The following SIK3 variants were observed in gnomAD, a reference collection of about 807,000 sequenced individuals.
SIK3 encodes serine/threonine-protein kinase SIK3.
Under a neutral mutation model 144.2 loss-of-function variants are expected in SIK3, and 28 were observed. The ratio of observed to expected loss-of-function variants is 0.19; its 90% CI spans 0.14 to 0.27. The LOEUF (loss-of-function observed/expected upper bound fraction) is 0.27, where lower values mean the gene tolerates loss of function less well. Among genes scored for constraint, SIK3 ranks in the 10% least tolerant of loss-of-function variants. The probability of loss-of-function intolerance (pLI) is 1.00; values close to 1 mark genes in which losing one functional copy is unlikely to be tolerated. For synonymous variants in SIK3, 686 were observed against 676.3 expected (o/e 1.01, Z -0.22); for missense variants, 1,319 against 1,776.0 (o/e 0.74, Z 4.62).
chr11:117,076,675 G>C (rs746108150), intron 1 of SIK3, among the ~76,000 whole-genome samples: 1 of 151,914 alleles, frequency 6.6e-6, no homozygotes. Flanking sequence ...ACAGGCACCC[G>C]CTAATTACCA....
intron 1 of SIK3, among the ~76,000 whole-genome samples, chr11:117,070,752 CTTT>C (rs368884148): frequency 4.7e-5 from 6 of 128,136 alleles, no homozygotes; most frequent in East Asian, 2.2e-4. Flanking sequence ...GGCCCTTTTT[CTTT>C]TTTTTTTTTT....
At chr11:116,930,212 T>C (rs751138910) in intron 3 of SIK3, among the ~76,000 whole-genome samples, 5 of 152,244 alleles carry the variant, frequency 3.3e-5, no homozygotes, top group South Asian at 4.1e-4. Context: ...TCAATCGCAT[T>C]CAGACCTCAG....
chr11:116,950,438 T>C (rs1283958101), intron 3 of SIK3, among the ~76,000 whole-genome samples: 2 of 152,202 alleles, frequency 1.3e-5, no homozygotes, highest in Non-Finnish European at 2.9e-5. Context: ...TTATCTGACC[T>C]GAGAAATCAG....
chr11:116,991,369 C>G (rs1447941826), intron 1 of SIK3, among the ~76,000 whole-genome samples: 1 of 152,172 alleles, frequency 6.6e-6, no homozygotes, highest in African/African-American at 2.4e-5. Context: ...ATCACTTGAA[C>G]CCGGGAGGCG....
At chr11:117,017,728 G>A (rs1327333764) in intron 1 of SIK3, among the ~76,000 whole-genome samples, 1 of 151,960 alleles carries the variant, frequency 6.6e-6, no homozygotes, top group African/African-American at 2.4e-5. Context: ...AAATGAGAAA[G>A]GTCGTATGGA....
Position 116,902,203 on chromosome 11 carries a change from G to A in SIK3, c.617-4886C>T, listed in dbSNP as rs1945771681. 2.0e-5 allele frequency among the ~76,000 whole-genome samples: 3 copies of A among 152,180 alleles called. No individual in the cohort carries two copies. In the South Asian group the frequency reaches 6.2e-4, roughly 32 times the overall value. Reference sequence around the variant, plus strand: ...GTTTTTTGTTTGTGTTTTCAATGGAGCATGCAACAGGCTAAGCAATGAATT... The same window carrying A: ...GTTTTTTGTTTGTGTTTTCAATGGAACATGCAACAGGCTAAGCAATGAATT... On this transcript the variant is annotated intron_variant, in intron 4 of 24. Coordinates refer to ENST00000445177, the MANE Select transcript of SIK3 (RefSeq NM_001366686.3).
At chr11:116,875,775 A>C in intron 9 of SIK3, 91 bp downstream of exon 9, 1 of 1,430,386 alleles carries the variant, frequency 7.0e-7, no homozygotes, top group Non-Finnish European at 9.3e-7. Flanking sequence ...GAAGAGCAAG[A>C]AACTCTCGAC....
chr11:117,023,592 A>T lies in SIK3; in HGVS notation c.274-66528T>A, dbSNP rs1951864381. On this transcript the variant is annotated intron_variant, in intron 1 of 24. Transcript: ENST00000445177. ...AGCTAATATTCTTAAAAACAAACAA[A>T]CAAACAAACAAACAAACAAAAAAAA... 6.1e-5 allele frequency among the ~76,000 whole-genome samples: 3 copies of T among 49,380 alleles called. No homozygotes were observed. The South Asian group carries it at 1.4e-3, about 23-fold the overall frequency. The allele number at this position is 49,380 out of a possible 152,430, so 32.4% of individuals were successfully genotyped here. A position where few individuals can be genotyped will look rare whatever the true frequency, so the allele number is the denominator to read the frequency against.
At chr11:117,043,322 A>G (rs752462378) in intron 1 of SIK3, among the ~76,000 whole-genome samples, 1 of 152,204 alleles carries the variant, frequency 6.6e-6, no homozygotes, top group Non-Finnish European at 1.5e-5. Context: ...TCAACATTAA[A>G]ACATATATAT....
intron 1 of SIK3, among the ~76,000 whole-genome samples, chr11:117,003,707 A>G (rs1332898690): frequency 1.3e-5 from 2 of 152,198 alleles, no homozygotes; most frequent in Non-Finnish European, 2.9e-5. Flanking sequence ...CGTTGTTGTT[A>G]TGGTATTTCA....
chr11:117,059,590 A>T (rs1202567400), intron 1 of SIK3, among the ~76,000 whole-genome samples: 1 of 152,200 alleles, frequency 6.6e-6, no homozygotes, highest in African/African-American at 2.4e-5. Flanking sequence ...GCTAGAAGAA[A>T]ATCTTTGCAA....
At position 116,923,805 on chromosome 11, in the gene SIK3, T is replaced by C. The variant is rs141392805; in HGVS notation, c.616+3414A>G. 6.6e-5 allele frequency among the ~76,000 whole-genome samples: 10 copies of C among 152,342 alleles called. No individual in the cohort carries two copies. In the East Asian group the frequency reaches 1.7e-3, roughly 26 times the overall value. On this transcript the variant is annotated intron_variant, in intron 4 of 24. Coordinates refer to ENST00000445177, the MANE Select transcript of SIK3 (RefSeq NM_001366686.3). ...GCCAGCACCCCGGAGTCTGTAATTA[T>C]ATATCAGCAGGTAGACACTCTCATT...
At chr11:117,088,825 C>T (rs1413394243) in intron 1 of SIK3, among the ~76,000 whole-genome samples, 2 of 151,360 alleles carry the variant, frequency 1.3e-5, no homozygotes, top group Non-Finnish European at 2.9e-5. Context: ...CACAGGCATG[C>T]ACCACCACAC....
chr11:116,984,886 G>A (rs1950274437), intron 1 of SIK3, among the ~76,000 whole-genome samples: 1 of 152,176 alleles, frequency 6.6e-6, no homozygotes, highest in Non-Finnish European at 1.5e-5. Context: ...TTGGATCTCT[G>A]TGTATAGAGT....
intron 13 of SIK3, among the ~76,000 whole-genome samples, chr11:116,871,794 G>A (rs191451930): frequency 1.2e-4 from 19 of 152,276 alleles, no homozygotes; most frequent in East Asian, 5.8e-4. Context: ...TGTGTAACCC[G>A]GAGAATGACA....
chr11:117,057,845 G>T (rs1364997999), intron 1 of SIK3, among the ~76,000 whole-genome samples: 1 of 152,086 alleles, frequency 6.6e-6, no homozygotes, highest in Non-Finnish European at 1.5e-5. Flanking sequence ...CAACTCATAG[G>T]GTTGCTATGA....
intron 6 of SIK3, among the ~76,000 whole-genome samples, chr11:116,882,088 T>A (rs1250697180): frequency 1.3e-5 from 2 of 152,106 alleles, no homozygotes; most frequent in African/African-American, 2.4e-5. Flanking sequence ...TCAGATGCCA[T>A]GTCATCTTCA....
chr11:116,966,521 C>A (rs971876204), intron 1 of SIK3, among the ~76,000 whole-genome samples: 5 of 152,104 alleles, frequency 3.3e-5, no homozygotes, highest in African/African-American at 1.2e-4. Flanking sequence ...TTTAAATAAT[C>A]TTGTGCATTA....
chr11:116,867,261 A>G lies in SIK3; in HGVS notation c.1952+685T>C, dbSNP rs377504944. ...GATTTTTAGTCATCAAGATAGTCACAGAAGATAATCATCTTCTTCAACTAG... is the reference window on the plus strand; with the variant it reads ...GATTTTTAGTCATCAAGATAGTCACGGAAGATAATCATCTTCTTCAACTAG... On this transcript the variant is annotated intron_variant, in intron 15 of 24. Transcript: ENST00000445177. The surrounding 1 kb of genome is among the most constrained non-coding windows in gnomAD (Gnocchi z 4.1). Among the ~76,000 whole-genome samples the G allele has an allele frequency of 3.9e-5, 6 of 152,356 alleles. No homozygotes were observed. In the South Asian group the frequency reaches 1.2e-3, roughly 32 times the overall value.
Sources: gnomAD v4.1 joint callset for allele counts (sites outside exome capture counted in the v4.1 genomes callset) on GRCh38, gnomAD v4.1.1 for gene constraint, Gnocchi (gnomAD v3.1) non-coding constraint, MANE v1.5 for transcripts, NCBI Gene and HGNC (gene_info 2026-07-23, HGNC 2026-07-21) for gene names.